SPAG5: variants seen among roughly 807,000 people sequenced by gnomAD.
The protein encoded by SPAG5 is sperm-associated antigen 5.
A neutral mutation model predicts 145.4 loss-of-function variants in SPAG5; 99 were observed. The observed-to-expected ratio is 0.68, with a 90% CI of 0.58 to 0.80. SPAG5 has a LOEUF of 0.80. Ranked by LOEUF, SPAG5 falls within the 30% of genes least tolerant of loss-of-function variation. The pLI, the probability that SPAG5 is intolerant of heterozygous loss-of-function variation, is 0.00. For missense variants in SPAG5, 1,192 were observed against 1,416.0 expected (o/e 0.84, Z 2.54); for synonymous variants, 477 against 525.4 (o/e 0.91, Z 1.26).
chr17:28,597,756 A>C (rs2070677059), intron 2 of SPAG5, among the ~76,000 whole-genome samples: 1 of 152,258 alleles, frequency 6.6e-6, no homozygotes, highest in African/African-American at 2.4e-5. Flanking sequence ...AAAAAGAGGA[A>C]GCAAAACTTC....
At chr17:28,598,751 A>C in intron 1 of SPAG5, 116 bp from the exon 2 acceptor site, 6 of 1,516,834 alleles carry the variant, frequency 4.0e-6, no homozygotes, top group Admixed American at 1.8e-5. Flanking sequence ...CTCGCACCCT[A>C]GTCGCGCAGG....
At chr17:28,579,930 C>G in intron 16 of SPAG5, 79 bp downstream of exon 16, 1 of 1,523,672 alleles carries the variant, frequency 6.6e-7, no homozygotes, top group Admixed American at 1.7e-5. Flanking sequence ...GACAAGCCCG[C>G]TGGTGGACAT....
rs1157673541 is a variant in SPAG5 at position 28,578,547 on chromosome 17, A to G, written c.3199-19T>C. On this transcript the variant is annotated intron_variant, in intron 20 of 23. Coordinates refer to ENST00000321765, the MANE Select transcript of SPAG5 (RefSeq NM_006461.4). ...TAAGGCTCTGGGAATGAGAATGGAG[A>G]GGTGTCCAATAGGACATAAGGATAG... The G allele has an allele frequency of 3.7e-6, 6 of 1,609,602 alleles. No individual in the cohort carries two copies. Among genetic ancestry groups the G allele is most frequent in the South Asian group, 2.2e-5 (2 of 91,076 alleles).
Position 28,592,669 on chromosome 17 carries a change from G to C in SPAG5, c.575C>G (p.Pro192Arg), listed in dbSNP as rs2070630164. Residue 192 changes from proline to arginine, a missense_variant, in exon 3 of 24, where the codon CCT becomes CGT. Pro to Arg is a moderately radical substitution (Grantham distance 103). Coordinates refer to ENST00000321765, the MANE Select transcript of SPAG5 (RefSeq NM_006461.4). ...ATGGGACGGAGATTCCTGAAAGATA[G>C]GTTTCTCAGATACAGCAGCAACTTC... ...FSEVAAVSEK[P>R]IFQESPSHLL... 1 of 1,614,162 alleles carries C rather than the reference G, an allele frequency of 6.2e-7. No individual in the cohort carries two copies. The highest frequency in any genetic ancestry group is 8.5e-7 in the Non-Finnish European group (1 of 1,180,046).
At chr17:28,595,185 G>A (rs2070654054) in intron 2 of SPAG5, among the ~76,000 whole-genome samples, 2 of 150,518 alleles carry the variant, frequency 1.3e-5, no homozygotes, top group Admixed American at 1.3e-4. Flanking sequence ...TTGAATCTGG[G>A]AAGCAGAGGT....
intron 2 of SPAG5, among the ~76,000 whole-genome samples, chr17:28,595,715 C>G (rs1206476541): frequency 2.0e-5 from 3 of 150,758 alleles, no homozygotes; most frequent in Admixed American, 1.3e-4. Context: ...CACCACTGCA[C>G]TCTAGCCTGG....
intron 15 of SPAG5, among the ~76,000 whole-genome samples, chr17:28,582,981 G>A (rs1465499541): frequency 6.6e-6 from 1 of 152,058 alleles, no homozygotes; most frequent in Non-Finnish European, 1.5e-5. Flanking sequence ...TTTTGTGGGG[G>A]AAAGGGTTTC....
chr17:28,595,505 T>TG lies in SPAG5; in HGVS notation c.178-2440dup, dbSNP rs2070657536. 2.0e-5 allele frequency among the ~76,000 whole-genome samples: 3 copies of TG among 152,194 alleles called. No individual in the cohort carries two copies. The South Asian group carries it at 6.2e-4, about 32-fold the overall frequency. On this transcript the variant is annotated intron_variant, in intron 2 of 23. Coordinates refer to ENST00000321765, the MANE Select transcript of SPAG5 (RefSeq NM_006461.4). ...GCCCACGCCTGTAATCCCAGCACTT[T>TG]GGGAGGCCAAGGAGGGTGGATCACT... is the stretch of plus-strand genomic sequence containing the variant.
At chr17:28,590,608 C>T (rs961178633) in intron 4 of SPAG5, among the ~76,000 whole-genome samples, 2 of 151,950 alleles carry the variant, frequency 1.3e-5, no homozygotes, top group Non-Finnish European at 2.9e-5. Flanking sequence ...CAGTGGCTCA[C>T]GCCTGTAATC....
rs769199059 is a variant in SPAG5, at chr17:28,583,740, G to C, written c.2547-91C>G. On this transcript the variant is annotated intron_variant, in intron 14 of 23. Coordinates refer to ENST00000321765, the MANE Select transcript of SPAG5 (RefSeq NM_006461.4). ...CCCCACAGAGCTGCATTAAAGGAGA[G>C]AAACAAGAGGCTCAACACTCACAGT... 1.9e-6 allele frequency: 3 copies of C among 1,540,566 alleles called. No individual in the cohort carries two copies. In the African/African-American group the frequency reaches 4.2e-5, roughly 21 times the overall value.
At position 28,586,513 on chromosome 17, in the gene SPAG5, C is replaced by CA. The variant is rs766357704; in HGVS notation, c.1438-15dup. Reference sequence around the variant, plus strand: ...TTTATTAGTTATCTAGCCAGAAAAACAGAGTTGTTCCTTGTTTTGTTTGTT... The same window carrying CA: ...TTTATTAGTTATCTAGCCAGAAAAACAAGAGTTGTTCCTTGTTTTGTTTGTT... On this transcript the variant is annotated splice_polypyrimidine_tract_variant and intron_variant, in intron 4 of 23. Transcript: ENST00000321765. 1 of 1,603,632 alleles carries CA rather than the reference C, an allele frequency of 6.2e-7. No individual in the cohort carries two copies. The highest frequency in any genetic ancestry group is 1.1e-5 in the South Asian group (1 of 90,842).
At chr17:28,584,015 G>A (rs781195161) in intron 13 of SPAG5, 29 bp from the exon 14 acceptor site, 4 of 1,613,486 alleles carry the variant, frequency 2.5e-6, no homozygotes, top group South Asian at 1.1e-5. Flanking sequence ...GAGCAAGACA[G>A]GGAGGGAGAA....
rs1165017878 is a variant in SPAG5, at chr17:28,578,475, T to C, written c.3252A>G (p.Thr1084=). ...GGGCCTCCTGGAGCACTTTGGTCTC[T>C]GTCTCCGCACGCCGAAGTGAGCGGG... The part of the protein sequence containing the change: ...HLTRSLRRAE[T]ETKVLQEALA... The change falls in exon 21 of 24, where the codon ACA becomes ACG. Residue 1084 remains threonine, a synonymous_variant. Coordinates refer to ENST00000321765, the MANE Select transcript of SPAG5 (RefSeq NM_006461.4). 6.2e-7 allele frequency: 1 copy of C among 1,613,402 alleles called. No homozygotes were observed. Among genetic ancestry groups the C allele is most frequent in the Admixed American group, 1.7e-5 (1 of 60,028 alleles).
Position 28,580,122 on chromosome 17 carries a change from T to C in SPAG5, c.2686-2A>G. 3.7e-6 allele frequency: 6 copies of C among 1,607,116 alleles called. No homozygotes were observed. The highest frequency in any genetic ancestry group is 5.1e-6 in the Non-Finnish European group (6 of 1,175,512). On this transcript the variant is annotated splice_acceptor_variant, in intron 15 of 23. Coordinates refer to ENST00000321765, the MANE Select transcript of SPAG5 (RefSeq NM_006461.4). LOFTEE classifies it high-confidence loss of function. Reference sequence around the variant, plus strand: ...CAGCAGAAGGGTCTCTTGTTCAGTCTAAGGGCAAAGAAGAAAAAATAGCTG... The same window carrying C: ...CAGCAGAAGGGTCTCTTGTTCAGTCCAAGGGCAAAGAAGAAAAAATAGCTG...
In SPAG5 at chr17:28,585,321, C is replaced by T; in HGVS notation, c.1951G>A (p.Asp651Asn). Reference protein sequence around the residue: ...LQQDWRSMQLDYTTWTALLSR... With the variant: ...LQQDWRSMQLNYTTWTALLSR... ...TTATGATGGTCCCAAATACTCACAT[C>T]CAGTTGCATGGACCTCCAGTCTTGT... Residue 651 changes from aspartate to asparagine, a missense_variant and splice_region_variant, in exon 9 of 24, where the codon GAT (aspartate) becomes AAT (asparagine). This residue lies in a region of SPAG5 where 709 missense variants were observed against 840.7 expected (regional missense o/e 0.84). Transcript: ENST00000321765. 6.2e-7 allele frequency: 1 copy of T among 1,613,900 alleles called. No individual in the cohort carries two copies. The highest frequency in any genetic ancestry group is 8.5e-7 in the Non-Finnish European group (1 of 1,179,750).
At position 28,577,752 on chromosome 17, in the gene SPAG5, C is replaced by G. The variant is rs1444550165; in HGVS notation, c.3529G>C (p.Glu1177Gln). 7.4e-6 allele frequency: 12 copies of G among 1,613,772 alleles called. No homozygotes were observed. Among genetic ancestry groups the G allele is most frequent in the Non-Finnish European group, 1.0e-5 (12 of 1,179,808 alleles). Residue 1177 changes from glutamate (E) to glutamine (Q), a missense_variant, in exon 24 of 24, where the codon GAG becomes CAG. By Grantham distance (29) the Glu-to-Gln change is conservative (BLOSUM62 2). Coordinates refer to ENST00000321765, the MANE Select transcript of SPAG5 (RefSeq NM_006461.4). The part of the protein sequence containing the change: ...HIYKTLLSIP[E>Q]VVRGCKELQG... ...AGTTCTTTGCATCCCCTCACCACCT[C>G]TGGAATAGAGAGCAGGGTCTGGGAA...
In SPAG5 at chr17:28,591,824, GT is replaced by G; in HGVS notation, c.1310del (p.Asn437ThrfsTer3). 6.2e-7 allele frequency: 1 copy of G among 1,614,144 alleles called. No individual in the cohort carries two copies. The highest frequency in any genetic ancestry group is 8.5e-7 in the Non-Finnish European group (1 of 1,180,032). On this transcript the variant is annotated frameshift_variant, in exon 4 of 24. Coordinates refer to ENST00000321765, the MANE Select transcript of SPAG5 (RefSeq NM_006461.4). LOFTEE classifies it high-confidence loss of function. The stretch of plus-strand genomic sequence containing the variant: ...CCAGAATGACAAGAGAGCTCAGCAG[GT>G]TATCTTCCAAGTCATGTCGAGACAA... ...TALSRHDLED[N>X]LLSSLVILEV...
intron 10 of SPAG5, 81 bp from the exon 11 acceptor site, chr17:28,584,826 A>G: frequency 8.8e-7 from 1 of 1,134,112 alleles, no homozygotes. Context: ...CTCTTTCTGG[A>G]CAAGACAGAA....
chr17:28,589,601 T>C (rs1350544835), intron 4 of SPAG5, among the ~76,000 whole-genome samples: 3 of 152,212 alleles, frequency 2.0e-5, no homozygotes, highest in Non-Finnish European at 4.4e-5. Context: ...TAATGTAATA[T>C]ATTTTTATGC....
Sources: gnomAD v4.1 joint callset for allele counts (sites outside exome capture counted in the v4.1 genomes callset) on GRCh38, gnomAD v4.1.1 for gene constraint, gnomAD v4.1.1 regional missense constraint, MANE v1.5 for transcripts, NCBI Gene and HGNC (gene_info 2026-07-23, HGNC 2026-07-21) for gene names.